The following GPLD1 variants were observed in gnomAD, a reference collection of about 807,000 sequenced individuals.
The protein encoded by GPLD1 is phosphatidylinositol-glycan-specific phospholipase D.
Under a neutral mutation model 112.6 loss-of-function variants are expected in GPLD1, and 84 were observed. The ratio of observed to expected loss-of-function variants is 0.75; its 90% confidence interval spans 0.63 to 0.89. The LOEUF (loss-of-function observed/expected upper bound fraction) is 0.89. GPLD1 is among the 40% of genes least tolerant of loss of function. GPLD1 has a pLI of 0.00. For synonymous variants in GPLD1, 386 were observed against 403.8 expected, an observed-to-expected ratio of 0.96 and a Z score of 0.53; for missense variants, 1,044 against 1,051.5, an observed-to-expected ratio of 0.99 and a Z score of 0.10.
Position 24,473,668 on chromosome 6 carries a change from C to G in GPLD1, c.442-1G>C. The stretch of plus-strand genomic sequence containing the variant: ...CTGAATAGGAGCCGTGAAAATCAAT[C>G]TAAGAAAGAAAGAGAACCATCTGGT... On this transcript the variant is annotated splice_acceptor_variant, in intron 5 of 24. Coordinates refer to ENST00000230036, the MANE Select transcript of GPLD1 (RefSeq NM_001503.4). LOFTEE classifies it high-confidence loss of function. The G allele has an allele frequency of 6.2e-7, 1 of 1,603,468 alleles. No individual in the cohort carries two copies. Among genetic ancestry groups the G allele is most frequent in the South Asian group, 1.1e-5 (1 of 90,612 alleles).
Position 24,463,824 on chromosome 6 carries a change from A to G in GPLD1, c.822-1029T>C, listed in dbSNP as rs377469294. Reference sequence around the variant, plus strand: ...TTTTTTGTGTTGTCTCTTTTTGGAGACTTCTCTGAATTTCCCATACATTTT... The same window carrying G: ...TTTTTTGTGTTGTCTCTTTTTGGAGGCTTCTCTGAATTTCCCATACATTTT... On this transcript the variant is annotated intron_variant, in intron 10 of 24. Transcript: ENST00000230036. Among the ~76,000 whole-genome samples the G allele has an allele frequency of 4.6e-5, 7 of 152,130 alleles. No homozygotes were observed. The East Asian group carries it at 7.7e-4, about 17-fold the overall frequency.
At chr6:24,431,724 G>A (rs1055493285) in intron 24 of GPLD1, among the ~76,000 whole-genome samples, 6 of 151,860 alleles carry the variant, frequency 4.0e-5, no homozygotes, top group South Asian at 4.2e-4. Flanking sequence ...TAGTAGAGCC[G>A]GGGTTTCACC....
At chr6:24,441,970 TATAC>T (rs1268605095) in intron 20 of GPLD1, among the ~76,000 whole-genome samples, 2 of 148,614 alleles carry the variant, frequency 1.3e-5, no homozygotes, top group Admixed American at 1.4e-4. Flanking sequence ...TATAGTTATA[TATAC>T]ATTCATACAT....
intron 24 of GPLD1, among the ~76,000 whole-genome samples, chr6:24,430,497 C>G (rs541485035): frequency 6.6e-6 from 1 of 152,170 alleles, no homozygotes; most frequent in Non-Finnish European, 1.5e-5. Flanking sequence ...GTGCTTGATA[C>G]AACACTGCTC....
intron 14 of GPLD1, among the ~76,000 whole-genome samples, chr6:24,452,295 G>A (rs1436948904): frequency 6.6e-6 from 1 of 152,166 alleles, no homozygotes; most frequent in Non-Finnish European, 1.5e-5. Context: ...GAAGTAAGAA[G>A]CAACAAGATT....
At chr6:24,435,895 A>G (rs2127317417) in intron 22 of GPLD1, 1 of 151,530 alleles carries the variant, frequency 6.6e-6, no homozygotes, top group East Asian at 1.9e-4. Flanking sequence ...TAACTTAAGG[A>G]AACTCACCCA....
At chr6:24,448,604 C>T (rs1470945579) in intron 15 of GPLD1, among the ~76,000 whole-genome samples, 1 of 152,038 alleles carries the variant, frequency 6.6e-6, no homozygotes, top group Non-Finnish European at 1.5e-5. Flanking sequence ...TATATCTTTG[C>T]CTCCCTGATG....
At chr6:24,436,927 T>G (rs1342515007) in intron 21 of GPLD1, among the ~76,000 whole-genome samples, 186 bp downstream of exon 21, 1 of 152,220 alleles carries the variant, frequency 6.6e-6, no homozygotes, top group Non-Finnish European at 1.5e-5. Context: ...TACAGGTGAT[T>G]CTCATATTAC....
chr6:24,443,278 G>T (rs1254838298), intron 20 of GPLD1, among the ~76,000 whole-genome samples: 1 of 152,204 alleles, frequency 6.6e-6, no homozygotes, highest in Admixed American at 6.5e-5. Flanking sequence ...TAGCTCCCGA[G>T]CTTCCACAGC....
intron 1 of GPLD1, 62 bp from the exon 2 acceptor site, chr6:24,486,192 G>A (rs972386370): frequency 9.2e-6 from 9 of 976,002 alleles, no homozygotes; most frequent in South Asian, 2.8e-5. Flanking sequence ...TAACTTAGGC[G>A]AGATGATTTT....
intron 20 of GPLD1, among the ~76,000 whole-genome samples, chr6:24,437,918 G>A (rs989628653): frequency 6.6e-6 from 1 of 152,088 alleles, no homozygotes; most frequent in African/African-American, 2.4e-5. Flanking sequence ...AGAAGAGGCC[G>A]CTTCCCTGTG....
chr6:24,454,164 C>T lies in GPLD1; in HGVS notation c.1186G>A (p.Gly396Ser), dbSNP rs6924628. ...CCTGGTGCGCCCACCACGAGGTCAC[C>T]GTGCCCATCCTGGTTGAGGTCAGCT... ...TSADLNQDGH[G>S]DLVVGAPGYS... Residue 396 changes from glycine to serine, a missense_variant, in exon 14 of 25, where the codon GGT becomes AGT. Gly to Ser is a moderately conservative substitution (Grantham distance 56). Coordinates refer to ENST00000230036, the MANE Select transcript of GPLD1 (RefSeq NM_001503.4). 0.015 allele frequency: 24,086 copies of T among 1,613,464 alleles called. 1,630 individuals carry two copies. The African/African-American group carries it at 0.2, about 13-fold the overall frequency.
rs1554132700 is a variant in GPLD1, at chr6:24,467,912, G to GT, written c.546-639dup. 1.1e-3 allele frequency among the ~76,000 whole-genome samples: 159 copies of GT among 147,672 alleles called. 1 individual carries two copies. Among genetic ancestry groups the GT allele is most frequent in the Middle Eastern group, 0.011 (3 of 284 alleles). On this transcript the variant is annotated intron_variant, in intron 7 of 24. Coordinates refer to ENST00000230036, the MANE Select transcript of GPLD1 (RefSeq NM_001503.4). ...TGGTTGTTTTTGTTTTCTGTTTTTT[G>GT]TTTTTTTTTTGGAGATGGAGCTTCG...
intron 22 of GPLD1, among the ~76,000 whole-genome samples, chr6:24,436,182 G>A (rs1287063607): frequency 6.6e-6 from 1 of 152,104 alleles, no homozygotes; most frequent in Admixed American, 6.5e-5. Context: ...CCTGAGCCCA[G>A]GAGTTTGAGG....
chr6:24,436,779 C>T (rs2127318640), intron 21 of GPLD1, 43 bp from the exon 22 acceptor site: 2 of 1,589,706 alleles, frequency 1.3e-6, no homozygotes, highest in South Asian at 1.1e-5. Flanking sequence ...TTTGACTCCT[C>T]ACTGTCATCT....
Position 24,473,711 on chromosome 6 carries a change from G to GC in GPLD1, c.442-45dup, listed in dbSNP as rs1292667489. The GC allele has an allele frequency of 4.8e-5, 65 of 1,343,134 alleles. 1 individual carries two copies. The Admixed American group carries it at 1.1e-3, about 23-fold the overall frequency. 83.2% of individuals were successfully genotyped at this position (1,343,134 alleles called of 1,614,324 possible). On this transcript the variant is annotated intron_variant, in intron 5 of 24. Coordinates refer to ENST00000230036, the MANE Select transcript of GPLD1 (RefSeq NM_001503.4). ...CATCTGGTGTGTATTACAAATTGTA[G>GC]CCCCAACTCTTACTTCCACAGTCAA...
Position 24,454,093 on chromosome 6 carries a change from G to T in GPLD1, c.1257C>A (p.Ile419=), listed in dbSNP as rs768241991. 11 of 1,613,874 alleles carry T rather than the reference G, an allele frequency of 6.8e-6. No individual in the cohort carries two copies. The highest frequency in any genetic ancestry group is 2.7e-5 in the African/African-American group (2 of 74,908). ...GHIHIGRVYL[I]YGNDLGLPPV... is the part of the protein sequence containing the mutation. ...GTGGCAGGCCCAGGTCATTGCCGTA[G>T]ATGAGGTACACGCGCCCGATGTGGA... is the stretch of plus-strand genomic sequence containing the variant. Residue 419 remains isoleucine, a synonymous_variant, in exon 14 of 25, where the codon ATC becomes ATA. Transcript: ENST00000230036.
intron 1 of GPLD1, among the ~76,000 whole-genome samples, chr6:24,487,384 A>T (rs1298448330): frequency 6.6e-6 from 1 of 152,204 alleles, no homozygotes. Context: ...ATCCGTGCAG[A>T]TTCTATTTCA....
rs1764013196 is a variant in GPLD1, at chr6:24,476,252, T to C, written c.259A>G (p.Thr87Ala). The change falls in exon 4 of 25, where the codon ACT (threonine) becomes GCT (alanine). Residue 87 changes from threonine (T) to alanine (A), a missense_variant. By Grantham distance (58) the Thr-to-Ala change is moderately conservative. Transcript: ENST00000230036. Reference protein sequence around the residue: ...GGKFHDVSESTHWTPFLNASV... With the variant: ...GGKFHDVSESAHWTPFLNASV... ...GCATTAAGAAACGGAGTCCAGTGAG[T>C]GCTCTCAGACACATCATGGAATTTT... 1.3e-6 allele frequency: 2 copies of C among 1,561,590 alleles called. No individual in the cohort carries two copies. The highest frequency in any genetic ancestry group is 1.2e-5 in the South Asian group (1 of 85,672).
Sources: allele counts gnomAD v4.1 joint callset (sites outside exome capture counted in the v4.1 genomes callset), GRCh38; gene constraint gnomAD v4.1.1; transcripts MANE v1.5; gene names NCBI Gene and HGNC (gene_info 2026-07-23, HGNC 2026-07-21).